The following PRELID3B variants were observed in gnomAD, a reference collection of about 807,000 sequenced individuals.
PRELID3B encodes the protein PRELI domain containing protein 3B.
PRELID3B carries 15 observed loss-of-function variants against 24.0 expected under a neutral mutation model. That is an observed-to-expected ratio of 0.63 (90% confidence interval 0.42 to 0.96). The LOEUF (loss-of-function observed/expected upper bound fraction) is 0.96, where lower values mean the gene tolerates loss of function less well. PRELID3B is among the 40% of genes least tolerant of loss of function. PRELID3B has a pLI of 0.00. For synonymous variants in PRELID3B, 62 were observed against 76.0 expected (o/e 0.82, Z 0.96); for missense variants, 189 against 236.0 (o/e 0.80, Z 1.30).
At chr20:59,037,046 C>T in intron 3 of PRELID3B, 145 bp downstream of exon 3, 1 of 671,096 alleles carries the variant, frequency 1.5e-6, no homozygotes, top group Non-Finnish European at 2.6e-6. Flanking sequence ...AAGGAAGCAA[C>T]ATCCAGGGCC....
intron 2 of PRELID3B, 76 bp downstream of exon 2, chr20:59,038,390 C>G: frequency 1.5e-6 from 2 of 1,294,448 alleles, no homozygotes; most frequent in South Asian, 1.7e-5. Context: ...CTCCCACAAC[C>G]TATTTGAAAG....
chr20:59,040,590 A>G lies in PRELID3B; in HGVS notation c.33-1956T>C, dbSNP rs1461520710. ...GGCCTCAGAAGAAAAGTGTTGGAAA[A>G]TCAAAGACAGATAAGATGTAGAATG... On this transcript the variant is annotated intron_variant, in intron 1 of 5. Transcript: ENST00000355937. The surrounding 1 kb of genome is among the most constrained non-coding windows in gnomAD (Gnocchi z 4.1). Among the ~76,000 whole-genome samples, 1 of 152,252 alleles carries G rather than the reference A, an allele frequency of 6.6e-6. No homozygotes were observed. Among genetic ancestry groups the G allele is most frequent in the Non-Finnish European group, 1.5e-5 (1 of 68,042 alleles).
intron 3 of PRELID3B, 66 bp from the exon 4 acceptor site, chr20:59,036,826 A>C: frequency 9.4e-7 from 1 of 1,064,516 alleles, no homozygotes; most frequent in East Asian, 2.5e-5. Context: ...AATGTTGCTA[A>C]AATCAACACA....
intron 1 of PRELID3B, among the ~76,000 whole-genome samples, chr20:59,042,390 C>G (rs1416410547): frequency 1.3e-5 from 2 of 152,254 alleles, no homozygotes; most frequent in African/African-American, 4.8e-5. Flanking sequence ...CTCCGCGACG[C>G]CCCCAGGACC....
At chr20:59,042,125 C>T (rs1168710131) in intron 1 of PRELID3B, among the ~76,000 whole-genome samples, 2 of 152,220 alleles carry the variant, frequency 1.3e-5, no homozygotes, top group Non-Finnish European at 2.9e-5. Context: ...CTTGTTACAG[C>T]CAGAGCTAGA....
In PRELID3B at chr20:59,034,942, C is replaced by T; in HGVS notation, c.*65G>A. The T allele has an allele frequency of 1.0e-6, 1 of 997,746 alleles. No individual in the cohort carries two copies. The highest frequency in any genetic ancestry group is 1.3e-6 in the Non-Finnish European group (1 of 767,420). 61.8% of individuals were successfully genotyped at this position (997,746 alleles called of 1,614,324 possible). A position where few individuals can be genotyped will look rare whatever the true frequency, so the allele number is the denominator to read the frequency against. ...AAATATAGTTGTATTTTTAAAATAA[C>T]AAATAAATATATAGTCAGTTTGGAG... On this transcript the variant is annotated 3_prime_UTR_variant, in exon 6 of 6. Coordinates refer to ENST00000355937, the MANE Select transcript of PRELID3B (RefSeq NM_016045.3).
At chr20:59,036,075 G>C (rs1485053250) in intron 5 of PRELID3B, among the ~76,000 whole-genome samples, 1 of 119,166 alleles carries the variant, frequency 8.4e-6, no homozygotes, top group Non-Finnish European at 1.9e-5. Flanking sequence ...AACGAGTTGT[G>C]GGGGAGACAA....
rs1449280586 is a variant in PRELID3B, at chr20:59,033,694, T to A, written c.*1313A>T. ...TTGGATAGGAAACATGACTAGAAGTTTATCACACTAAGCACTGTAAAATAA... is the reference window on the plus strand; with the variant it reads ...TTGGATAGGAAACATGACTAGAAGTATATCACACTAAGCACTGTAAAATAA... On this transcript the variant is annotated 3_prime_UTR_variant, in exon 6 of 6. Coordinates refer to ENST00000355937, the MANE Select transcript of PRELID3B (RefSeq NM_016045.3). 1.3e-5 allele frequency: 2 copies of A among 152,212 alleles called. No homozygotes were observed. Among genetic ancestry groups the A allele is most frequent in the Non-Finnish European group, 2.9e-5 (2 of 68,022 alleles). 9.4% of individuals were successfully genotyped at this position (152,212 alleles called of 1,614,324 possible). A position where few individuals can be genotyped will look rare whatever the true frequency, so the allele number is the denominator to read the frequency against.
intron 1 of PRELID3B, among the ~76,000 whole-genome samples, chr20:59,042,468 C>T (rs1425220615): frequency 6.6e-6 from 1 of 152,206 alleles, no homozygotes; most frequent in African/African-American, 2.4e-5. Context: ...CGTAGCCCTG[C>T]CGGTCGCAAG....
At chr20:59,037,411 A>G in intron 2 of PRELID3B, 131 bp from the exon 3 acceptor site, 1 of 763,290 alleles carries the variant, frequency 1.3e-6, no homozygotes, top group South Asian at 1.5e-5. Context: ...AAACCAGAGG[A>G]AACAAGCAAA....
intron 3 of PRELID3B, 101 bp from the exon 4 acceptor site, chr20:59,036,861 C>G: frequency 1.3e-6 from 1 of 758,900 alleles, no homozygotes; most frequent in South Asian, 1.8e-5. Context: ...ACTAAACATA[C>G]AAAACAACAA....
intron 2 of PRELID3B, among the ~76,000 whole-genome samples, chr20:59,037,846 T>C (rs746659387): frequency 6.6e-6 from 1 of 151,890 alleles, no homozygotes. Context: ...TACATTCCTA[T>C]TGAAAATGTG....
In PRELID3B at chr20:59,037,139, A is replaced by G. The variant is rs1052647318; in HGVS notation, c.291+52T>C. On this transcript the variant is annotated intron_variant, in intron 3 of 5. Transcript: ENST00000355937. ...CTTCTACGGCAACTAGGAGAGGGAC[A>G]AAGAACTCAGCCAGACAGTTCGAAA... 2.7e-5 allele frequency: 37 copies of G among 1,371,598 alleles called. No homozygotes were observed. In the East Asian group the frequency reaches 7.4e-4, roughly 28 times the overall value. 85.0% of individuals were successfully genotyped at this position (1,371,598 alleles called of 1,614,324 possible).
intron 1 of PRELID3B, among the ~76,000 whole-genome samples, 156 bp downstream of exon 1, chr20:59,042,543 T>C (rs1440408618): frequency 6.6e-5 from 10 of 150,658 alleles, no homozygotes; most frequent in Non-Finnish European, 1.5e-4. Flanking sequence ...GTGACCTTGG[T>C]CTGCCCTCCG....
Position 59,036,680 on chromosome 20 carries a change from T to C in PRELID3B, c.362+10A>G, listed in dbSNP as rs2092074853. On this transcript the variant is annotated intron_variant, in intron 4 of 5. Coordinates refer to ENST00000355937, the MANE Select transcript of PRELID3B (RefSeq NM_016045.3). ...TTTACGATACATTTGTTAAAATATT[T>C]TTTACTCACTTTTCTGGATCCTGAG... 6.3e-7 allele frequency: 1 copy of C among 1,593,354 alleles called. No homozygotes were observed. Among genetic ancestry groups the C allele is most frequent in the Non-Finnish European group, 8.6e-7 (1 of 1,165,902 alleles).
At chr20:59,035,234 C>T (rs2092063506) in intron 5 of PRELID3B, 108 bp from the exon 6 acceptor site, 14 of 988,282 alleles carry the variant, frequency 1.4e-5, no homozygotes, top group Non-Finnish European at 2.0e-5. Flanking sequence ...TTAACTCAAT[C>T]TCAGGATGAC....
rs374297682 is a variant in PRELID3B at position 59,035,372 on chromosome 20, A to G, written c.466-246T>C. On this transcript the variant is annotated intron_variant, in intron 5 of 5. Coordinates refer to ENST00000355937, the MANE Select transcript of PRELID3B (RefSeq NM_016045.3). ...GATGTTCTCAAATGAATCTACAATT[A>G]AATGACAGAATGTCTTATTTGTTTC... Among the ~76,000 whole-genome samples the G allele has an allele frequency of 1.1e-4, 17 of 152,376 alleles. No individual in the cohort carries two copies. The South Asian group carries it at 3.3e-3, about 30-fold the overall frequency.
At position 59,035,556 on chromosome 20, in the gene PRELID3B, C is replaced by A. The variant is rs545838535; in HGVS notation, c.466-430G>T. 5.3e-5 allele frequency among the ~76,000 whole-genome samples: 8 copies of A among 152,328 alleles called. No individual in the cohort carries two copies. The East Asian group carries it at 1.5e-3, about 29-fold the overall frequency. On this transcript the variant is annotated intron_variant, in intron 5 of 5. Coordinates refer to ENST00000355937, the MANE Select transcript of PRELID3B (RefSeq NM_016045.3). ...CTATATAGTTCCTTGAAAAACAGAG[C>A]ATTCCCTACTTCCTGTCTCAGGGCC... is the stretch of plus-strand genomic sequence containing the variant.
In PRELID3B at chr20:59,042,774, A is replaced by T. The variant is rs758443895; in HGVS notation, c.-44T>A. 1 of 1,583,338 alleles carries T rather than the reference A, an allele frequency of 6.3e-7. No individual in the cohort carries two copies. Among genetic ancestry groups the T allele is most frequent in the East Asian group, 2.3e-5 (1 of 43,658 alleles). On this transcript the variant is annotated 5_prime_UTR_variant, in exon 1 of 6. It adds an upstream start codon to the 5' untranslated region. Coordinates refer to ENST00000355937, the MANE Select transcript of PRELID3B (RefSeq NM_016045.3). ...GATGTCCGGGTAGCGCCAGGGGACAACGAGGCACAGAGGCTACACCTGCCC... is the reference window on the plus strand; with the variant it reads ...GATGTCCGGGTAGCGCCAGGGGACATCGAGGCACAGAGGCTACACCTGCCC...
Sources: allele counts gnomAD v4.1 joint callset (sites outside exome capture counted in the v4.1 genomes callset), GRCh38; gene constraint gnomAD v4.1.1; non-coding constraint Gnocchi (gnomAD v3.1); transcripts MANE v1.5; gene names NCBI Gene and HGNC (gene_info 2026-07-23, HGNC 2026-07-21).